HPGDS: variants seen among roughly 807,000 people sequenced by gnomAD.
The protein encoded by HPGDS is GST class-sigma.
In HPGDS, 26 loss-of-function variants were observed where a neutral mutation model predicts 23.1. The ratio of observed to expected loss-of-function variants is 1.13; its 90% CI spans 0.83 to 1.56. HPGDS has a LOEUF of 1.56. HPGDS is among the 40% of genes most tolerant of loss of function. The pLI is 0.00. For missense variants in HPGDS, 268 were observed against 236.4 expected (o/e 1.13, Z -0.88); for synonymous variants, 95 against 77.9 (o/e 1.22, Z -1.16).
At chr4:94,321,193 G>C (rs1756501801) in intron 2 of HPGDS, among the ~76,000 whole-genome samples, 1 of 152,176 alleles carries the variant, frequency 6.6e-6, no homozygotes, top group South Asian at 2.1e-4. Context: ...AAGTCAGGTA[G>C]CATGATGTCT....
chr4:94,302,132 T>C lies in HPGDS; in HGVS notation c.435+14A>G. 6.4e-7 allele frequency: 1 copy of C among 1,561,218 alleles called. No individual in the cohort carries two copies. Among genetic ancestry groups the C allele is most frequent in the South Asian group, 1.1e-5 (1 of 89,034 alleles). On this transcript the variant is annotated intron_variant, in intron 5 of 5. Transcript: ENST00000295256. ...TTATTTGCTTGAATTTTTTAAGATA[T>C]AAAACATACTCACAGAGTTACCAAT... is the stretch of plus-strand genomic sequence containing the variant.
chr4:94,304,424 A>C (rs1756103835), intron 4 of HPGDS, among the ~76,000 whole-genome samples: 1 of 152,032 alleles, frequency 6.6e-6, no homozygotes, highest in Non-Finnish European at 1.5e-5. Flanking sequence ...TTCTTTTTTT[A>C]TTGGAAATGG....
At chr4:94,324,175 C>T (rs1302186106) in intron 2 of HPGDS, among the ~76,000 whole-genome samples, 9 of 152,202 alleles carry the variant, frequency 5.9e-5, no homozygotes. Flanking sequence ...TGACCTTTCT[C>T]TCTGGTTGCC....
At chr4:94,315,424 A>G (rs539050557) in intron 3 of HPGDS, among the ~76,000 whole-genome samples, 1 of 152,190 alleles carries the variant, frequency 6.6e-6, no homozygotes, top group Non-Finnish European at 1.5e-5. Context: ...ATTTTTGCAG[A>G]CAGTTTTTGT....
At chr4:94,333,525 T>G (rs1279748913) in intron 2 of HPGDS, among the ~76,000 whole-genome samples, 1 of 152,204 alleles carries the variant, frequency 6.6e-6, no homozygotes, top group African/African-American at 2.4e-5. Context: ...TGATACCCAC[T>G]TGGGGTTTTG....
At chr4:94,340,635 G>A (rs1192691624) in intron 1 of HPGDS, among the ~76,000 whole-genome samples, 2 of 105,464 alleles carry the variant, frequency 1.9e-5, no homozygotes, top group African/African-American at 7.6e-5. Context: ...CACCGGGCCC[G>A]GCCCGCCCCC....
intron 2 of HPGDS, among the ~76,000 whole-genome samples, chr4:94,330,259 G>A (rs1048758676): frequency 4.6e-5 from 7 of 152,170 alleles, no homozygotes; most frequent in African/African-American, 1.4e-4. Context: ...TCAGGGATGG[G>A]AAAGTTGGAC....
At chr4:94,308,016 T>C (rs913873723) in intron 4 of HPGDS, among the ~76,000 whole-genome samples, 2 of 152,110 alleles carry the variant, frequency 1.3e-5, no homozygotes, top group African/African-American at 4.8e-5. Flanking sequence ...GGGAACAGAA[T>C]TGTGTTGAAT....
chr4:94,335,957 G>C (rs1298709669), intron 1 of HPGDS, among the ~76,000 whole-genome samples: 2 of 152,114 alleles, frequency 1.3e-5, no homozygotes, highest in Admixed American at 6.5e-5. Flanking sequence ...TGTAATCCCA[G>C]AACTTTGGGA....
intron 4 of HPGDS, among the ~76,000 whole-genome samples, chr4:94,306,413 G>A (rs1032758817): frequency 1.3e-5 from 2 of 152,068 alleles, no homozygotes. Flanking sequence ...CAAGGAAGTG[G>A]AAAGAGAGGA....
rs1402941475 is a variant in HPGDS, at chr4:94,322,088, C to G, written c.134-4123G>C. 2.0e-5 allele frequency among the ~76,000 whole-genome samples: 3 copies of G among 152,058 alleles called. No individual in the cohort carries two copies. In the East Asian group the frequency reaches 5.8e-4, roughly 29 times the overall value. ...CATTTATTGATTTGCATATGTTGAA[C>G]GAGCTTTGCATCCCAGGAATGAAGC... On this transcript the variant is annotated intron_variant, in intron 2 of 5. Transcript: ENST00000295256.
intron 4 of HPGDS, among the ~76,000 whole-genome samples, chr4:94,304,861 T>C (rs138548226): frequency 2.6e-5 from 4 of 152,088 alleles, no homozygotes; most frequent in Admixed American, 6.6e-5. Flanking sequence ...GGAGGTGGTC[T>C]CTGTTATGGA....
chr4:94,308,065 T>C (rs779459152), intron 4 of HPGDS, among the ~76,000 whole-genome samples: 6 of 152,138 alleles, frequency 3.9e-5, no homozygotes, highest in Non-Finnish European at 8.8e-5. Flanking sequence ...TGCATATACA[T>C]AATGAGATAT....
At chr4:94,314,857 C>A (rs962892801) in intron 3 of HPGDS, among the ~76,000 whole-genome samples, 1 of 152,228 alleles carries the variant, frequency 6.6e-6, no homozygotes, top group South Asian at 2.1e-4. Flanking sequence ...CCTCCCCCAG[C>A]CTCGCTGCCG....
chr4:94,334,365 A>T, intron 2 of HPGDS, 132 bp downstream of exon 2: 2 of 750,994 alleles, frequency 2.7e-6, no homozygotes, highest in Non-Finnish European at 4.1e-6. Flanking sequence ...GCATTTATTT[A>T]GTCTGAACTG....
At chr4:94,311,223 A>T (rs1266223834) in intron 3 of HPGDS, among the ~76,000 whole-genome samples, 1 of 152,064 alleles carries the variant, frequency 6.6e-6, no homozygotes, top group African/African-American at 2.4e-5. Context: ...CCAGTTTTCA[A>T]AGGGAATGCT....
chr4:94,334,445 CA>C, intron 2 of HPGDS, 51 bp downstream of exon 2: 3 of 1,431,826 alleles, frequency 2.1e-6, no homozygotes, highest in Admixed American at 2.5e-5. Context: ...TGAGGAAAAA[CA>C]AAAGGTTCTG....
chr4:94,329,051 A>C (rs562467181), intron 2 of HPGDS, among the ~76,000 whole-genome samples: 27 of 152,340 alleles, frequency 1.8e-4, no homozygotes, highest in African/African-American at 5.8e-4. Context: ...CAAAGTCTCA[A>C]ATGAAATTGA....
rs1560598048 is a variant in HPGDS, at chr4:94,340,314, T to TTC, written c.-10+2480_-10+2481insGA. Among the ~76,000 whole-genome samples the TTC allele has an allele frequency of 8.4e-3, 93 of 11,076 alleles. 1 individual carries two copies. Among genetic ancestry groups the TTC allele is most frequent in the East Asian group, 0.019 (11 of 568 alleles). 7.3% of individuals were successfully genotyped at this position (11,076 alleles called of 152,430 possible). ...CTTTCTTTCTTTCTTTCTTTCTCTT[T>TTC]TTTTTTTTTTTTTTTTTTTTTTTTT... is the stretch of plus-strand genomic sequence containing the variant. On this transcript the variant is annotated intron_variant, in intron 1 of 5. Coordinates refer to ENST00000295256, the MANE Select transcript of HPGDS (RefSeq NM_014485.3).
Sources: allele counts gnomAD v4.1 joint callset (sites outside exome capture counted in the v4.1 genomes callset), GRCh38; gene constraint gnomAD v4.1.1; transcripts MANE v1.5; gene names NCBI Gene and HGNC (gene_info 2026-07-23, HGNC 2026-07-21).